Variants in KIF26B observed in about 807,000 individuals in gnomAD.
KIF26B encodes the protein kinesin family member 26B.
KIF26B carries 63 observed loss-of-function variants against 151.2 expected under a neutral mutation model. That is an observed-to-expected ratio of 0.42 (90% CI 0.34 to 0.51). KIF26B has a LOEUF of 0.51. KIF26B is among the 20% of genes least tolerant of loss of function. The pLI, the probability that KIF26B is intolerant of heterozygous loss-of-function variation, is 0.07. For missense variants in KIF26B, 2,813 were observed against 2,913.6 expected (o/e 0.97, Z 0.79); for synonymous variants, 1,357 against 1,262.1 (o/e 1.08, Z -1.59).
chr1:245,390,921 C>CAAAA lies in KIF26B; in HGVS notation c.999+23582_999+23585dup, dbSNP rs796799193. ...TGGGCAATATAACAAGACCCTGTCTCAAAAAAAAAAAAAAAAAAAAAAAAA... is the reference window on the plus strand; with the variant it reads ...TGGGCAATATAACAAGACCCTGTCTCAAAAAAAAAAAAAAAAAAAAAAAAAAAAA... On this transcript the variant is annotated intron_variant, in intron 3 of 14. Coordinates refer to ENST00000407071, the MANE Select transcript of KIF26B (RefSeq NM_018012.4). Among the ~76,000 whole-genome samples the CAAAA allele has an allele frequency of 4.4e-3, 59 of 13,388 alleles. 3 individuals carry two copies. Among genetic ancestry groups the CAAAA allele is most frequent in the East Asian group, 0.02 (5 of 250 alleles). 8.8% of individuals were successfully genotyped at this position (13,388 alleles called of 152,430 possible).
chr1:245,424,741 G>A (rs1658579487), intron 4 of KIF26B, among the ~76,000 whole-genome samples: 1 of 150,404 alleles, frequency 6.6e-6, no homozygotes, highest in African/African-American at 2.5e-5. Context: ...AAAAAATCGG[G>A]GCTTGCATTT....
chr1:245,261,290 C>T (rs558794361), intron 2 of KIF26B, among the ~76,000 whole-genome samples: 10 of 151,882 alleles, frequency 6.6e-5, no homozygotes, highest in African/African-American at 2.2e-4. Flanking sequence ...GGATTACAGG[C>T]CTGGCTAATT....
chr1:245,506,721 C>T (rs1041480660), intron 4 of KIF26B, among the ~76,000 whole-genome samples: 5 of 152,218 alleles, frequency 3.3e-5, no homozygotes, highest in African/African-American at 1.2e-4. Flanking sequence ...ACTCTTGTTG[C>T]CCAGGCTGGA....
At chr1:245,650,577 A>G (rs1448988166) in intron 10 of KIF26B, among the ~76,000 whole-genome samples, 1 of 152,272 alleles carries the variant, frequency 6.6e-6, no homozygotes, top group Non-Finnish European at 1.5e-5. Flanking sequence ...TAGAGGGCAC[A>G]GGCCCTTAGA....
At chr1:245,242,729 G>T (rs1670231105) in intron 2 of KIF26B, among the ~76,000 whole-genome samples, 1 of 152,100 alleles carries the variant, frequency 6.6e-6, no homozygotes, top group Non-Finnish European at 1.5e-5. Flanking sequence ...TCGGCTCACT[G>T]CATCCTCTGT....
At chr1:245,427,811 C>T (rs1450154215) in intron 4 of KIF26B, among the ~76,000 whole-genome samples, 1 of 152,160 alleles carries the variant, frequency 6.6e-6, no homozygotes, top group Non-Finnish European at 1.5e-5. Flanking sequence ...CTCGTTCTCA[C>T]ATTCCAGATC....
chr1:245,306,056 C>T (rs1671534864), intron 2 of KIF26B, among the ~76,000 whole-genome samples: 1 of 151,926 alleles, frequency 6.6e-6, no homozygotes, highest in Admixed American at 6.6e-5. Flanking sequence ...ACAATTCTAC[C>T]CTTGTTATGA....
chr1:245,676,869 G>A (rs748028292), intron 10 of KIF26B, among the ~76,000 whole-genome samples: 4 of 151,924 alleles, frequency 2.6e-5, no homozygotes, highest in Non-Finnish European at 4.4e-5. Context: ...CAGGCCCCAC[G>A]GGGAACCATC....
At chr1:245,330,743 G>A (rs1437432044) in intron 2 of KIF26B, among the ~76,000 whole-genome samples, 2 of 78,254 alleles carry the variant, frequency 2.6e-5, no homozygotes, top group East Asian at 5.2e-4. Flanking sequence ...GGGGAGAGTC[G>A]GGGAGGGAGT....
intron 3 of KIF26B, among the ~76,000 whole-genome samples, chr1:245,383,792 G>C (rs1326916964): frequency 6.6e-6 from 1 of 152,116 alleles, no homozygotes; most frequent in Non-Finnish European, 1.5e-5. Flanking sequence ...CAAAATGAGG[G>C]CAAGGGGTGC....
intron 2 of KIF26B, among the ~76,000 whole-genome samples, chr1:245,356,039 A>T (rs761518154): frequency 1.3e-5 from 2 of 152,028 alleles, no homozygotes; most frequent in African/African-American, 2.4e-5. Context: ...AGAGATTCTG[A>T]TACAGGGGGT....
intron 4 of KIF26B, among the ~76,000 whole-genome samples, chr1:245,517,760 G>A (rs896626882): frequency 1.3e-5 from 2 of 152,128 alleles, no homozygotes; most frequent in African/African-American, 2.4e-5. Context: ...TTAGAGTTGG[G>A]TCTAGAAGAA....
At position 245,606,488 on chromosome 1, in the gene KIF26B, C is replaced by A. The variant is rs1485294683; in HGVS notation, c.1558-1163C>A. ...TAATGCTATCTTTCTGCTTCTGTGA[C>A]AAGTCTCAGGTGCTAAACAAAGAGA... On this transcript the variant is annotated intron_variant, in intron 6 of 14. Coordinates refer to ENST00000407071, the MANE Select transcript of KIF26B (RefSeq NM_018012.4). This position sits in a 1 kb window ranked among gnomAD's most constrained non-coding sequence, Gnocchi z 4.6. Among the ~76,000 whole-genome samples the A allele has an allele frequency of 6.6e-6, 1 of 152,194 alleles. No individual in the cohort carries two copies. The highest frequency in any genetic ancestry group is 2.4e-5 in the African/African-American group (1 of 41,458).
chr1:245,397,495 C>A (rs1247381803), intron 3 of KIF26B, among the ~76,000 whole-genome samples: 1 of 152,168 alleles, frequency 6.6e-6, no homozygotes, highest in African/African-American at 2.4e-5. Context: ...GGATTACAGG[C>A]ATGATCCACT....
chr1:245,323,460 T>G (rs559260935), intron 2 of KIF26B, among the ~76,000 whole-genome samples: 17 of 152,312 alleles, frequency 1.1e-4, no homozygotes, highest in African/African-American at 4.1e-4. Context: ...ATGAACAAGT[T>G]TGGAAAAACT....
chr1:245,556,265 C>T (rs1333069612), intron 5 of KIF26B, among the ~76,000 whole-genome samples: 1 of 109,278 alleles, frequency 9.2e-6, no homozygotes, highest in Non-Finnish European at 2.1e-5. Flanking sequence ...CTTCCTCCCT[C>T]CTCCTCCTCT....
At position 245,698,128 on chromosome 1, in the gene KIF26B, C is replaced by G. The variant is rs1198202563; in HGVS notation, c.5847C>G (p.Ile1949Met). The G allele has an allele frequency of 6.2e-7, 1 of 1,613,974 alleles. No homozygotes were observed. The highest frequency in any genetic ancestry group is 8.5e-7 in the Non-Finnish European group (1 of 1,179,872). Residue 1949 changes from isoleucine to methionine, a missense_variant, in exon 13 of 15, where the codon ATC becomes ATG. Coordinates refer to ENST00000407071, the MANE Select transcript of KIF26B (RefSeq NM_018012.4). The surrounding 1 kb of genome is among the most constrained non-coding windows in gnomAD (Gnocchi z 4.0). ...SNPGSQRRRL[I>M]PALSLDTSSP... ...CAGGTTCTCAGAGACGGAGGCTTAT[C>G]CCAGCACTATCCCTGGACACCTCTT... is the stretch of plus-strand genomic sequence containing the variant.
At chr1:245,523,567 T>A (rs536601473) in intron 4 of KIF26B, among the ~76,000 whole-genome samples, 4 of 152,200 alleles carry the variant, frequency 2.6e-5, no homozygotes, top group Non-Finnish European at 5.9e-5. Context: ...AGGTTCAGTG[T>A]CTGGTAAGGG....
At position 245,546,072 on chromosome 1, in the gene KIF26B, A is replaced by G. The variant is rs571705357; in HGVS notation, c.1350+5122A>G. ...CTTTTAGGGTAGAAGTCATTCAGTTACTAACTCCTTGTGACACTGTATGGA... is the reference window on the plus strand; with the variant it reads ...CTTTTAGGGTAGAAGTCATTCAGTTGCTAACTCCTTGTGACACTGTATGGA... On this transcript the variant is annotated intron_variant, in intron 5 of 14. Transcript: ENST00000407071. Among the ~76,000 whole-genome samples the G allele has an allele frequency of 8.5e-5, 13 of 152,352 alleles. No homozygotes were observed. The South Asian group carries it at 2.7e-3, about 32-fold the overall frequency.
Sources: allele counts gnomAD v4.1 joint callset (sites outside exome capture counted in the v4.1 genomes callset), GRCh38; gene constraint gnomAD v4.1.1; non-coding constraint Gnocchi (gnomAD v3.1); transcripts MANE v1.5; gene names NCBI Gene and HGNC (gene_info 2026-07-23, HGNC 2026-07-21).